ACOT7: variants seen among roughly 807,000 people sequenced by gnomAD.
ACOT7 encodes the protein acyl-CoA thioesterase 7.
In ACOT7, 12 loss-of-function variants were observed where a neutral mutation model predicts 40.2. The observed-to-expected ratio is 0.30, with a 90% CI of 0.19 to 0.48. The LOEUF (loss-of-function observed/expected upper bound fraction) is 0.48. ACOT7 is among the 20% of genes least tolerant of loss of function. ACOT7 has a pLI of 0.99. For missense variants in ACOT7, 395 were observed against 530.8 expected (o/e 0.74, Z 2.51); for synonymous variants, 228 against 219.5 (o/e 1.04, Z -0.34).
Position 6,274,081 on chromosome 1 carries a change from A to T in ACOT7, c.1014+7021T>A, listed in dbSNP as rs953284413. Among the ~76,000 whole-genome samples the T allele has an allele frequency of 2.6e-5, 4 of 152,140 alleles. No individual in the cohort carries two copies. The highest frequency in any genetic ancestry group is 5.9e-5 in the Non-Finnish European group (4 of 68,014). On this transcript the variant is annotated intron_variant, in intron 8 of 8. Transcript: ENST00000361521. This position sits in a 1 kb window ranked among gnomAD's most constrained non-coding sequence, Gnocchi z 5.9. ...GGAACGGGGCCCATGCGAGGACCCC[A>T]GGCCCCTCTGCACACCGTGCCTGGG...
rs1338551785 is a variant in ACOT7, at chr1:6,338,148, A to G, written c.418+1285T>C. ...CATTTTTGAAGCCACCAACTCCTGC[A>G]ATGACAAAGGGCACTGCTGACTGGG... is the stretch of plus-strand genomic sequence containing the variant. On this transcript the variant is annotated intron_variant, in intron 3 of 8. Coordinates refer to ENST00000361521, the MANE Select transcript of ACOT7 (RefSeq NM_007274.4). The surrounding 1 kb of genome is among the most constrained non-coding windows in gnomAD (Gnocchi z 4.4). 1.3e-5 allele frequency among the ~76,000 whole-genome samples: 2 copies of G among 152,120 alleles called. No individual in the cohort carries two copies. The highest frequency in any genetic ancestry group is 2.9e-5 in the Non-Finnish European group (2 of 68,002).
intron 2 of ACOT7, among the ~76,000 whole-genome samples, chr1:6,340,455 C>G (rs1641245929): frequency 6.6e-6 from 1 of 152,156 alleles, no homozygotes; most frequent in African/African-American, 2.4e-5. Context: ...CATACATACC[C>G]ATTATGGAAA....
At chr1:6,393,032 CAGG>C (rs1642559959) in intron 1 of ACOT7, among the ~76,000 whole-genome samples, 1 of 151,816 alleles carries the variant, frequency 6.6e-6, no homozygotes. Context: ...GAGATGCGGC[CAGG>C]AGGAGCCGGC....
intron 1 of ACOT7, among the ~76,000 whole-genome samples, chr1:6,357,543 C>T (rs1385339796): frequency 6.6e-6 from 1 of 152,218 alleles, no homozygotes; most frequent in African/African-American, 2.4e-5. Flanking sequence ...GGCAGACTGT[C>T]CCCAGTCATA....
chr1:6,292,866 C>T (rs1466365324), intron 7 of ACOT7, among the ~76,000 whole-genome samples: 3 of 148,550 alleles, frequency 2.0e-5, no homozygotes, highest in East Asian at 2.0e-4. Context: ...TTTTGTGCTT[C>T]GCTGGAAAGT....
Position 6,306,073 on chromosome 1 carries a change from C to T in ACOT7, c.713-11093G>A, listed in dbSNP as rs2148408377. 1 of 258,388 alleles carries T rather than the reference C, an allele frequency of 3.9e-6. No homozygotes were observed. Among genetic ancestry groups the T allele is most frequent in the Non-Finnish European group, 6.0e-6 (1 of 165,924 alleles). 16.0% of individuals were successfully genotyped at this position (258,388 alleles called of 1,614,324 possible). On this transcript the variant is annotated intron_variant, in intron 6 of 8. Transcript: ENST00000361521. This position sits in a 1 kb window ranked among gnomAD's most constrained non-coding sequence, Gnocchi z 4.3. ...GCGTGGCGGCGCGCGCCTGCAATCG[C>T]AGGCACTCGGCAGGCTGAGGCAGGA...
At chr1:6,356,850 C>T (rs1226996734) in intron 1 of ACOT7, among the ~76,000 whole-genome samples, 3 of 150,084 alleles carry the variant, frequency 2.0e-5, no homozygotes, top group East Asian at 2.0e-4. Context: ...ACCCAGGAGG[C>T]GGAGGTTGCA....
intron 8 of ACOT7, among the ~76,000 whole-genome samples, chr1:6,267,154 G>A (rs1160568091): frequency 1.3e-5 from 2 of 152,236 alleles, no homozygotes; most frequent in African/African-American, 4.8e-5. Context: ...GAGTGAGAAG[G>A]GACACAGCTG....
At position 6,299,952 on chromosome 1, in the gene ACOT7, A is replaced by G. The variant is rs1639921708; in HGVS notation, c.713-4972T>C. Among the ~76,000 whole-genome samples, 1 of 152,184 alleles carries G rather than the reference A, an allele frequency of 6.6e-6. No individual in the cohort carries two copies. On this transcript the variant is annotated intron_variant, in intron 6 of 8. Transcript: ENST00000361521. The surrounding 1 kb of genome is among the most constrained non-coding windows in gnomAD (Gnocchi z 4.1). Reference sequence around the variant, plus strand: ...TCCAATGGGGGCCAGGACCAGCTGCATTTGCCATGAAACGCTGACCATTTA... The same window carrying G: ...TCCAATGGGGGCCAGGACCAGCTGCGTTTGCCATGAAACGCTGACCATTTA...
In ACOT7 at chr1:6,278,897, T is replaced by C. The variant is rs1410760587; in HGVS notation, c.1014+2205A>G. Among the ~76,000 whole-genome samples the C allele has an allele frequency of 6.6e-6, 1 of 152,116 alleles. No individual in the cohort carries two copies. Among genetic ancestry groups the C allele is most frequent in the Non-Finnish European group, 1.5e-5 (1 of 68,026 alleles). On this transcript the variant is annotated intron_variant, in intron 8 of 8. Transcript: ENST00000361521. The surrounding 1 kb of genome is among the most constrained non-coding windows in gnomAD (Gnocchi z 4.1). ...CAGGGCGTGTCCTTGCGTCTGTCCA[T>C]GCTGCCCGCAGAGGGAAGACAGAAC...
intron 1 of ACOT7, among the ~76,000 whole-genome samples, chr1:6,373,814 G>A (rs577356340): frequency 1.3e-5 from 2 of 150,914 alleles, no homozygotes; most frequent in African/African-American, 2.4e-5. Context: ...GCAGTGAGCC[G>A]AGATCGTGCC....
At chr1:6,342,377 G>C (rs745631494) in intron 2 of ACOT7, among the ~76,000 whole-genome samples, 3 of 151,986 alleles carry the variant, frequency 2.0e-5, no homozygotes, top group Non-Finnish European at 4.4e-5. Context: ...TGAGAGACAC[G>C]AACACTCAGA....
intron 3 of ACOT7, among the ~76,000 whole-genome samples, chr1:6,335,364 T>C (rs1271432553): frequency 1.4e-5 from 2 of 145,986 alleles, no homozygotes; most frequent in African/African-American, 5.1e-5. Context: ...TAGCTGGGCA[T>C]GGCGGTGCAC....
chr1:6,329,795 A>T (rs1640905756), intron 4 of ACOT7, among the ~76,000 whole-genome samples: 1 of 151,998 alleles, frequency 6.6e-6, no homozygotes, highest in African/African-American at 2.4e-5. Flanking sequence ...TCGCTAGAGC[A>T]CATATTCAGA....
intron 1 of ACOT7, among the ~76,000 whole-genome samples, chr1:6,357,438 C>G (rs909201210): frequency 6.6e-6 from 1 of 152,188 alleles, no homozygotes; most frequent in Non-Finnish European, 1.5e-5. Context: ...ATTACTGCCC[C>G]CTTCTGACAA....
chr1:6,325,181 G>A (rs1315663385), intron 5 of ACOT7, among the ~76,000 whole-genome samples: 3 of 152,214 alleles, frequency 2.0e-5, no homozygotes, highest in South Asian at 2.1e-4. Flanking sequence ...GGCGGATCAC[G>A]AGGTCAGGAG....
At chr1:6,377,039 T>C (rs1180513232) in intron 1 of ACOT7, among the ~76,000 whole-genome samples, 3 of 152,140 alleles carry the variant, frequency 2.0e-5, no homozygotes, top group Non-Finnish European at 4.4e-5. Flanking sequence ...GAGACACCAC[T>C]ACATGCCTGT....
chr1:6,264,502 A>T lies in ACOT7; in HGVS notation c.*95T>A. On this transcript the variant is annotated 3_prime_UTR_variant, in exon 9 of 9. Coordinates refer to ENST00000361521, the MANE Select transcript of ACOT7 (RefSeq NM_007274.4). ...TCAGACAACACCAGCTCTCAATGTG[A>T]ATTGGGTTTTTGGCCAAGGGGGGAA... 1 of 1,168,296 alleles carries T rather than the reference A, an allele frequency of 8.6e-7. No homozygotes were observed. Among genetic ancestry groups the T allele is most frequent in the Non-Finnish European group, 1.2e-6 (1 of 829,262 alleles). 72.4% of individuals were successfully genotyped at this position (1,168,296 alleles called of 1,614,324 possible). A position where few individuals can be genotyped will look rare whatever the true frequency, so the allele number is the denominator to read the frequency against.
At position 6,338,929 on chromosome 1, in the gene ACOT7, G is replaced by A. The variant is rs1641184915; in HGVS notation, c.418+504C>T. Among the ~76,000 whole-genome samples the A allele has an allele frequency of 1.3e-5, 2 of 152,188 alleles. No homozygotes were observed. ...TTTCCATGGTTACCATGGCCAAGGA[G>A]GAGAATATTCAGATGAAAGCAGAGG... On this transcript the variant is annotated intron_variant, in intron 3 of 8. Coordinates refer to ENST00000361521, the MANE Select transcript of ACOT7 (RefSeq NM_007274.4). This position sits in a 1 kb window ranked among gnomAD's most constrained non-coding sequence, Gnocchi z 4.4.
Sources: allele counts gnomAD v4.1 joint callset (sites outside exome capture counted in the v4.1 genomes callset), GRCh38; gene constraint gnomAD v4.1.1; non-coding constraint Gnocchi (gnomAD v3.1); transcripts MANE v1.5; gene names NCBI Gene and HGNC (gene_info 2026-07-23, HGNC 2026-07-21).